SEMA6D: variants seen among roughly 807,000 people sequenced by gnomAD.
SEMA6D encodes semaphorin-6D.
In SEMA6D, 35 loss-of-function variants were observed where a neutral mutation model predicts 106.6. That is an observed-to-expected ratio of 0.33 (90% CI 0.25 to 0.44). The LOEUF is 0.44. SEMA6D is among the 20% of genes least tolerant of loss of function. The pLI is 1.00. For synonymous variants in SEMA6D, 499 were observed against 487.7 expected, an observed-to-expected ratio of 1.02 and a Z score of -0.31; for missense variants, 1,185 against 1,345.9, an observed-to-expected ratio of 0.88 and a Z score of 1.87.
In SEMA6D at chr15:47,508,229, C is replaced by T. The variant is rs552154015; in HGVS notation, c.-87+37684C>T. Among the ~76,000 whole-genome samples, 54 of 152,256 alleles carry T rather than the reference C, an allele frequency of 3.5e-4. 1 individual carries two copies. In the Middle Eastern group the frequency reaches 0.02, roughly 58 times the overall value. On this transcript the variant is annotated intron_variant, in intron 3 of 19. Transcript: ENST00000558014. ...CAAACTGCAAATAAAGGTTAGCATT[C>T]CATGGGAGAATTGAAAGAAGAATTC...
chr15:47,481,786 G>A (rs2043160735), intron 3 of SEMA6D, among the ~76,000 whole-genome samples: 1 of 152,118 alleles, frequency 6.6e-6, no homozygotes. Context: ...TGCATGTCAT[G>A]TATAATTCAG....
intron 1 of SEMA6D, among the ~76,000 whole-genome samples, chr15:47,249,754 G>A (rs1038498086): frequency 2.6e-5 from 4 of 152,090 alleles, no homozygotes; most frequent in African/African-American, 4.8e-5. Context: ...AGGAAGCATG[G>A]GGAAAAATAT....
chr15:47,301,894 C>T (rs1290360725), intron 1 of SEMA6D, among the ~76,000 whole-genome samples: 1 of 152,070 alleles, frequency 6.6e-6, no homozygotes, highest in East Asian at 1.9e-4. Context: ...TTATTTGGGT[C>T]AAATGCAATA....
intron 3 of SEMA6D, among the ~76,000 whole-genome samples, chr15:47,540,795 G>C (rs189826222): frequency 1.8e-4 from 27 of 152,302 alleles, no homozygotes; most frequent in Admixed American, 1.8e-3. Context: ...AGGAAGGTCA[G>C]AGTGAACTGA....
chr15:47,755,807 T>A (rs1017378224), intron 1 of SEMA6D, among the ~76,000 whole-genome samples: 3 of 150,152 alleles, frequency 2.0e-5, no homozygotes, highest in Admixed American at 2.0e-4. Flanking sequence ...TGTATGAAAT[T>A]AGCAAATATA....
At chr15:47,433,850 G>A (rs989449577) in intron 2 of SEMA6D, among the ~76,000 whole-genome samples, 1 of 152,156 alleles carries the variant, frequency 6.6e-6, no homozygotes, top group African/African-American at 2.4e-5. Flanking sequence ...ATTATAAGAT[G>A]TGGAAGAGAT....
intron 1 of SEMA6D, among the ~76,000 whole-genome samples, chr15:47,339,530 A>C (rs1396289239): frequency 6.6e-6 from 1 of 152,166 alleles, no homozygotes; most frequent in African/African-American, 2.4e-5. Context: ...GGTTTGAAAG[A>C]GTTTTTCCTG....
intron 3 of SEMA6D, among the ~76,000 whole-genome samples, chr15:47,472,299 G>A (rs964612083): frequency 3.9e-5 from 6 of 152,140 alleles, no homozygotes; most frequent in East Asian, 3.9e-4. Context: ...TTTTTAAAAC[G>A]GTTGCCCAGA....
At chr15:47,340,155 C>T (rs757861217) in intron 1 of SEMA6D, among the ~76,000 whole-genome samples, 8 of 152,112 alleles carry the variant, frequency 5.3e-5, no homozygotes, top group Non-Finnish European at 8.8e-5. Context: ...AGCAGGGCTG[C>T]GTGGATGGAG....
At chr15:47,596,317 T>C (rs1204759966) in intron 3 of SEMA6D, among the ~76,000 whole-genome samples, 1 of 152,132 alleles carries the variant, frequency 6.6e-6, no homozygotes, top group African/African-American at 2.4e-5. Context: ...TCTGTCTTCA[T>C]GCCTTGGAAA....
At chr15:47,366,111 G>A (rs1411626925) in intron 1 of SEMA6D, among the ~76,000 whole-genome samples, 1 of 152,112 alleles carries the variant, frequency 6.6e-6, no homozygotes, top group Non-Finnish European at 1.5e-5. Flanking sequence ...GATCACAAAT[G>A]ATAAAGATTC....
intron 3 of SEMA6D, among the ~76,000 whole-genome samples, chr15:47,511,606 C>T (rs1405125255): frequency 6.6e-6 from 1 of 152,142 alleles, no homozygotes. Context: ...TAATATATCC[C>T]TTCAGAAACT....
At chr15:47,252,525 C>T (rs956799612) in intron 1 of SEMA6D, among the ~76,000 whole-genome samples, 1 of 152,090 alleles carries the variant, frequency 6.6e-6, no homozygotes, top group Admixed American at 6.5e-5. Context: ...ACTTTGTACC[C>T]ATTAACTTAC....
intron 2 of SEMA6D, among the ~76,000 whole-genome samples, chr15:47,467,937 T>C (rs1705645830): frequency 6.6e-6 from 1 of 152,084 alleles, no homozygotes; most frequent in Admixed American, 6.6e-5. Flanking sequence ...ATCTGTAGCA[T>C]AAAAATTATA....
chr15:47,204,236 G>A (rs1452954200), intron 1 of SEMA6D, among the ~76,000 whole-genome samples: 1 of 152,092 alleles, frequency 6.6e-6, no homozygotes, highest in East Asian at 1.9e-4. Context: ...CTCCTGTGGT[G>A]CTCTTGTCTT....
intron 2 of SEMA6D, among the ~76,000 whole-genome samples, chr15:47,418,060 A>G (rs1297219801): frequency 6.6e-6 from 1 of 152,104 alleles, no homozygotes; most frequent in Non-Finnish European, 1.5e-5. Flanking sequence ...TGTGTGCAAA[A>G]AGAAAAAAGA....
intron 4 of SEMA6D, among the ~76,000 whole-genome samples, chr15:47,644,247 A>G (rs2077540797): frequency 6.6e-6 from 1 of 152,218 alleles, no homozygotes; most frequent in Non-Finnish European, 1.5e-5. Context: ...GTGGACTTGC[A>G]ATGCACAGTT....
chr15:47,355,659 C>T (rs2038536758), intron 1 of SEMA6D, among the ~76,000 whole-genome samples: 1 of 152,162 alleles, frequency 6.6e-6, no homozygotes, highest in African/African-American at 2.4e-5. Flanking sequence ...CCACACTTAA[C>T]CTGCTTAAAT....
intron 1 of SEMA6D, among the ~76,000 whole-genome samples, chr15:47,307,223 A>G (rs1374569466): frequency 1.3e-5 from 2 of 152,274 alleles, no homozygotes; most frequent in East Asian, 3.8e-4. Context: ...ATCTGTTACT[A>G]TTAACAAATT....
Sources: allele counts gnomAD v4.1 joint callset (sites outside exome capture counted in the v4.1 genomes callset), GRCh38; gene constraint gnomAD v4.1.1; transcripts MANE v1.5; gene names NCBI Gene and HGNC (gene_info 2026-07-23, HGNC 2026-07-21).